Variants in SOX5 observed in about 807,000 individuals in gnomAD.
SOX5 encodes transcription factor SOX-5.
A neutral mutation model predicts 92.0 loss-of-function variants in SOX5; 9 were observed. That is an observed-to-expected ratio of 0.10 (90% CI 0.06 to 0.17). SOX5 has a LOEUF of 0.17. Ranked by LOEUF, SOX5 falls within the 10% of genes least tolerant of loss-of-function variation. The pLI is 1.00. For missense variants in SOX5, 642 were observed against 944.5 expected, an observed-to-expected ratio of 0.68 and a Z score of 4.20; for synonymous variants, 344 against 336.3, an observed-to-expected ratio of 1.02 and a Z score of -0.25.
chr12:24,091,185 A>AT (rs1301959164), intron 4 of SOX5, among the ~76,000 whole-genome samples: 1 of 152,224 alleles, frequency 6.6e-6, no homozygotes, highest in East Asian at 1.9e-4. Flanking sequence ...AGAATACACC[A>AT]TAGGTACTGA....
At chr12:23,633,789 T>C (rs2078862416) in intron 8 of SOX5, among the ~76,000 whole-genome samples, 1 of 152,182 alleles carries the variant, frequency 6.6e-6, no homozygotes, top group South Asian at 2.1e-4. Context: ...CAGTAGTTCA[T>C]ATTTTTATAT....
intron 1 of SOX5, among the ~76,000 whole-genome samples, chr12:24,537,980 G>A (rs548917187): frequency 6.6e-6 from 1 of 152,208 alleles, no homozygotes; most frequent in Admixed American, 6.5e-5. Flanking sequence ...TTATTCTGAA[G>A]TTTTCGATGT....
At chr12:24,200,577 T>C (rs1957421785) in intron 4 of SOX5, among the ~76,000 whole-genome samples, 2 of 152,164 alleles carry the variant, frequency 1.3e-5, no homozygotes, top group South Asian at 2.1e-4. Context: ...GTGGATACTG[T>C]AACCTTTTTG....
intron 7 of SOX5, among the ~76,000 whole-genome samples, chr12:23,650,354 T>C (rs946352804): frequency 6.6e-6 from 1 of 152,136 alleles, no homozygotes; most frequent in African/African-American, 2.4e-5. Flanking sequence ...GTATTATAAA[T>C]GTTACAGGGT....
At chr12:23,614,714 C>A (rs759870134) in intron 8 of SOX5, among the ~76,000 whole-genome samples, 2 of 152,178 alleles carry the variant, frequency 1.3e-5, no homozygotes, top group African/African-American at 2.4e-5. Context: ...TTCATGTTTA[C>A]CTTCTAAGGA....
At chr12:24,234,192 G>A (rs532250904) in intron 3 of SOX5, among the ~76,000 whole-genome samples, 1 of 152,300 alleles carries the variant, frequency 6.6e-6, no homozygotes, top group East Asian at 1.9e-4. Flanking sequence ...CAGCATAATT[G>A]AGAAGGCAAA....
chr12:23,955,271 T>C (rs192413517), upstream of SOX5, among the ~76,000 whole-genome samples: 62 of 152,252 alleles, frequency 4.1e-4, no homozygotes, highest in East Asian at 6.4e-3. Context: ...GGATGAGCAA[T>C]GACTGTCCCA....
In SOX5 at chr12:23,970,841, A is replaced by ATATATATATATATATATATATATATATAT; in HGVS notation, c.-1-74818_-1-74817insATATATATATATATATATATATATATATA. Among the ~76,000 whole-genome samples, 8 of 21,874 alleles carry ATATATATATATATATATATATATATATAT rather than the reference A, an allele frequency of 3.7e-4. 3 individuals are homozygous for ATATATATATATATATATATATATATATAT. Among genetic ancestry groups the ATATATATATATATATATATATATATATAT allele is most frequent in the African/African-American group, 1.0e-3 (8 of 8,032 alleles). The allele number at this position is 21,874 out of a possible 152,430, so 14.4% of individuals were successfully genotyped here. Reference sequence around the variant, plus strand: ...ACATGGGACTTTATATATATATATAATTTTTTTTTTTTTTTAAGAAATGGG... The same window carrying ATATATATATATATATATATATATATATAT: ...ACATGGGACTTTATATATATATATAATATATATATATATATATATATATATATATTTTTTTTTTTTTTTTAAGAAATGGG... On this transcript the variant is annotated intron_variant, in intron 4 of 4. Transcript: ENST00000446891.
Position 23,577,191 on chromosome 12 carries a change from A to ATATATTTTT in SOX5, c.1165-1354_1165-1353insAAAAATATA, listed in dbSNP as rs71059907. 2.5e-3 allele frequency among the ~76,000 whole-genome samples: 151 copies of ATATATTTTT among 61,404 alleles called. 5 individuals are homozygous for ATATATTTTT. Among genetic ancestry groups the ATATATTTTT allele is most frequent in the Non-Finnish European group, 2.7e-3 (84 of 31,252 alleles). The allele number at this position is 61,404 out of a possible 152,430, so 40.3% of individuals were successfully genotyped here. ...CACACACACACATATATATATATATATTTTTTTTTTTTTTTTTTTTTGAGA... is the reference window on the plus strand; with the variant it reads ...CACACACACACATATATATATATATATATATTTTTTTTTTTTTTTTTTTTTTTTTTGAGA... On this transcript the variant is annotated intron_variant, in intron 9 of 14. Transcript: ENST00000451604.
intron 1 of SOX5, among the ~76,000 whole-genome samples, chr12:24,445,580 T>C (rs1267474116): frequency 6.6e-6 from 1 of 152,232 alleles, no homozygotes; most frequent in Non-Finnish European, 1.5e-5. Flanking sequence ...GATACTGACA[T>C]AGCACTGATT....
chr12:24,015,591 T>C (rs950611581), intron 4 of SOX5, among the ~76,000 whole-genome samples: 9 of 152,144 alleles, frequency 5.9e-5, no homozygotes, highest in African/African-American at 1.9e-4. Flanking sequence ...ATGATCTCCA[T>C]TGCGCTAATA....
intron 10 of SOX5, among the ~76,000 whole-genome samples, chr12:23,573,113 A>G (rs1385710343): frequency 6.6e-6 from 1 of 152,068 alleles, no homozygotes; most frequent in East Asian, 1.9e-4. Flanking sequence ...CACTTTTCAT[A>G]TCTATACATG....
chr12:23,638,871 G>A (rs2079629891), intron 8 of SOX5, among the ~76,000 whole-genome samples: 1 of 148,690 alleles, frequency 6.7e-6, no homozygotes, highest in Non-Finnish European at 1.5e-5. Context: ...TCTGAATAAC[G>A]GTTATTTTCT....
At chr12:23,624,912 A>G (rs2077580123) in intron 8 of SOX5, among the ~76,000 whole-genome samples, 1 of 152,210 alleles carries the variant, frequency 6.6e-6, no homozygotes, top group Non-Finnish European at 1.5e-5. Flanking sequence ...CTTTCTTCCT[A>G]AGAAGGAGTT....
chr12:23,639,587 T>C (rs1181559131), intron 8 of SOX5, among the ~76,000 whole-genome samples: 1 of 152,236 alleles, frequency 6.6e-6, no homozygotes, highest in Admixed American at 6.5e-5. Flanking sequence ...ACAAATGTTA[T>C]GTTACTTTTA....
chr12:23,558,641 C>T (rs535480686), intron 11 of SOX5, among the ~76,000 whole-genome samples: 14 of 152,170 alleles, frequency 9.2e-5, no homozygotes, highest in Non-Finnish European at 1.8e-4. Context: ...CCGCTTTTGT[C>T]GCCCAGGCTG....
chr12:24,004,460 A>G (rs537053214), intron 4 of SOX5, among the ~76,000 whole-genome samples: 18 of 152,114 alleles, frequency 1.2e-4, no homozygotes, highest in Non-Finnish European at 2.2e-4. Context: ...TAGAGATATG[A>G]ACAGACATTT....
intron 4 of SOX5, among the ~76,000 whole-genome samples, chr12:24,045,811 G>T (rs771167026): frequency 3.3e-5 from 5 of 152,174 alleles, no homozygotes; most frequent in Non-Finnish European, 4.4e-5. Flanking sequence ...TTCAGTGTAG[G>T]ATTCCCTCCT....
At chr12:23,822,629 T>C (rs2096142421) in intron 3 of SOX5, among the ~76,000 whole-genome samples, 1 of 152,228 alleles carries the variant, frequency 6.6e-6, no homozygotes, top group South Asian at 2.1e-4. Flanking sequence ...TAGCTGTCTA[T>C]TAGGTCTGCT....
Sources: gnomAD v4.1 joint callset for allele counts (sites outside exome capture counted in the v4.1 genomes callset) on GRCh38, gnomAD v4.1.1 for gene constraint, MANE v1.5 for transcripts, NCBI Gene and HGNC (gene_info 2026-07-23, HGNC 2026-07-21) for gene names.